Variants in SMYD1 observed in about 807,000 individuals in gnomAD.
The protein encoded by SMYD1 is SET and MYND domain containing 1, also known as histone-lysine N-methyltransferase SMYD1.
In SMYD1, 49 loss-of-function variants were observed where a neutral mutation model predicts 54.0. The ratio of observed to expected loss-of-function variants is 0.91; its 90% confidence interval spans 0.72 to 1.15. The LOEUF (loss-of-function observed/expected upper bound fraction) is 1.15. Among genes scored for constraint, SMYD1 ranks in the 50% most tolerant of loss-of-function variants. The pLI, the probability that SMYD1 is intolerant of heterozygous loss-of-function variation, is 0.00. For synonymous variants in SMYD1, 269 were observed against 234.2 expected (o/e 1.15, Z -1.36); for missense variants, 653 against 639.6 (o/e 1.02, Z -0.23).
At chr2:88,087,231 G>A (rs540384238) in intron 2 of SMYD1, among the ~76,000 whole-genome samples, 3 of 152,176 alleles carry the variant, frequency 2.0e-5, no homozygotes, top group African/African-American at 7.2e-5. Context: ...GAGAGGTCAA[G>A]TGACTTGCCC....
chr2:88,088,909 T>C (rs1573110770), intron 3 of SMYD1, among the ~76,000 whole-genome samples: 1 of 152,064 alleles, frequency 6.6e-6, no homozygotes, highest in South Asian at 2.1e-4. Context: ...GTCCTGGCTG[T>C]GGGGATGGAT....
intron 3 of SMYD1, among the ~76,000 whole-genome samples, chr2:88,089,269 C>T (rs1287858701): frequency 6.6e-6 from 1 of 152,204 alleles, no homozygotes; most frequent in Non-Finnish European, 1.5e-5. Context: ...CTGCTTTACT[C>T]AAACTCCACC....
intron 1 of SMYD1, 92 bp from the exon 2 acceptor site, chr2:88,084,224 C>G: frequency 9.2e-7 from 1 of 1,088,172 alleles, no homozygotes; most frequent in Non-Finnish European, 1.3e-6. Flanking sequence ...GACCAGCCAG[C>G]TGAACCAGTA....
rs187396736 is a variant in SMYD1 at position 88,073,909 on chromosome 2, T to C, written c.137+5908T>C. ...TTGATGCCCTCAATTTTTAAGTATATGCATAACTCATTTGTTTATTACTCC... is the reference window on the plus strand; with the variant it reads ...TTGATGCCCTCAATTTTTAAGTATACGCATAACTCATTTGTTTATTACTCC... On this transcript the variant is annotated intron_variant, in intron 1 of 9. Transcript: ENST00000419482. Among the ~76,000 whole-genome samples the C allele has an allele frequency of 5.6e-4, 86 of 152,364 alleles. 1 individual carries two copies. The highest frequency in any genetic ancestry group is 1.9e-3 in the African/African-American group (78 of 41,580).
At chr2:88,068,089 A>G (rs1345133894) in intron 1 of SMYD1, 88 bp downstream of exon 1, 7 of 1,487,118 alleles carry the variant, frequency 4.7e-6, no homozygotes, top group Non-Finnish European at 6.3e-6. Context: ...TCATCAGGGG[A>G]AGGGATAAAA....
intron 5 of SMYD1, among the ~76,000 whole-genome samples, chr2:88,095,804 G>T (rs1296059709): frequency 6.6e-6 from 1 of 152,176 alleles, no homozygotes; most frequent in Non-Finnish European, 1.5e-5. Flanking sequence ...CACCTGTTTG[G>T]CTCAGCTGGA....
rs1558861519 is a variant in SMYD1, at chr2:88,110,914, G to T, written c.*402G>T. 6.1e-6 allele frequency: 1 copy of T among 163,990 alleles called. No individual in the cohort carries two copies. The highest frequency in any genetic ancestry group is 1.8e-4 in the East Asian group (1 of 5,464). The allele number at this position is 163,990 out of a possible 1,614,324, so 10.2% of individuals were successfully genotyped here. On this transcript the variant is annotated 3_prime_UTR_variant, in exon 10 of 10. Coordinates refer to ENST00000419482, the MANE Select transcript of SMYD1 (RefSeq NM_198274.4). ...TGTGTGATGTGTGTGTGTGCAGTGG[G>T]GGTATCACAGAGAGTATGACATCTG...
At position 88,112,326 on chromosome 2, in the gene SMYD1, A is replaced by G; in HGVS notation, c.*1814A>G. The G allele has an allele frequency of 6.7e-6, 4 of 597,498 alleles. No individual in the cohort carries two copies. The highest frequency in any genetic ancestry group is 1.2e-5 in the Non-Finnish European group (4 of 335,260). The allele number at this position is 597,498 out of a possible 1,614,324, so 37.0% of individuals were successfully genotyped here. On this transcript the variant is annotated 3_prime_UTR_variant, in exon 10 of 10. Coordinates refer to ENST00000419482, the MANE Select transcript of SMYD1 (RefSeq NM_198274.4). The stretch of plus-strand genomic sequence containing the variant: ...TTTTTTTCCATCCTATCTTTCTAAT[A>G]TTTGTTGTCTTTAACAAACTGTGTT...
intron 1 of SMYD1, among the ~76,000 whole-genome samples, chr2:88,073,191 A>G (rs1673987004): frequency 6.6e-6 from 1 of 152,216 alleles, no homozygotes; most frequent in Admixed American, 6.5e-5. Flanking sequence ...TAATTTGCTT[A>G]GGAGAATGGC....
At position 88,084,306 on chromosome 2, in the gene SMYD1, C is replaced by G; in HGVS notation, c.138-10C>G. 6.4e-7 allele frequency: 1 copy of G among 1,555,882 alleles called. No homozygotes were observed. On this transcript the variant is annotated splice_polypyrimidine_tract_variant and intron_variant, in intron 1 of 9. Coordinates refer to ENST00000419482, the MANE Select transcript of SMYD1 (RefSeq NM_198274.4). ...GCTCCCAATCATGTGTCTTCTTTCT[C>G]CATTTCCAGCCTTGTTAATTTTGTG...
chr2:88,106,886 A>G (rs1005402413), intron 8 of SMYD1, among the ~76,000 whole-genome samples: 1 of 152,132 alleles, frequency 6.6e-6, no homozygotes, highest in African/African-American at 2.4e-5. Context: ...TAAAAGAGCC[A>G]TCAATCACTT....
Position 88,073,657 on chromosome 2 carries a change from A to G in SMYD1, c.137+5656A>G, listed in dbSNP as rs367808544. Among the ~76,000 whole-genome samples, 113 of 152,346 alleles carry G rather than the reference A, an allele frequency of 7.4e-4. 1 individual carries two copies. The highest frequency in any genetic ancestry group is 2.6e-3 in the African/African-American group (110 of 41,584). The stretch of plus-strand genomic sequence containing the variant: ...AATACGTTTTTAAGGCTTTTGATAT[A>G]GATTTCCAAATTACCTCATCAAAGG... On this transcript the variant is annotated intron_variant, in intron 1 of 9. Transcript: ENST00000419482.
At chr2:88,080,791 A>G (rs1470423762) in intron 1 of SMYD1, among the ~76,000 whole-genome samples, 1 of 152,218 alleles carries the variant, frequency 6.6e-6, no homozygotes, top group Non-Finnish European at 1.5e-5. Flanking sequence ...AATGACCTTG[A>G]TGTTTTGGAA....
At chr2:88,079,513 G>T (rs1015066406) in intron 1 of SMYD1, among the ~76,000 whole-genome samples, 7 of 152,148 alleles carry the variant, frequency 4.6e-5, no homozygotes, top group African/African-American at 1.7e-4. Flanking sequence ...CATCCCTGAT[G>T]TCTGCAATAA....
At chr2:88,077,563 G>A (rs1674095259) in intron 1 of SMYD1, among the ~76,000 whole-genome samples, 3 of 152,194 alleles carry the variant, frequency 2.0e-5, no homozygotes, top group African/African-American at 7.2e-5. Flanking sequence ...GAATAGGAAT[G>A]TAAGACTCGG....
chr2:88,106,352 G>T lies in SMYD1; in HGVS notation c.1009G>T (p.Glu337Ter), dbSNP rs140916074. The T allele has an allele frequency of 6.2e-7, 1 of 1,614,152 alleles. No individual in the cohort carries two copies. Among genetic ancestry groups the T allele is most frequent in the Admixed American group, 1.7e-5 (1 of 60,026 alleles). Residue 337 changes from glutamate (E) to a stop codon, truncating the protein, a stop_gained, in exon 8 of 10, where the codon GAG (glutamate) becomes TAG (stop). Coordinates refer to ENST00000419482, the MANE Select transcript of SMYD1 (RefSeq NM_198274.4). LOFTEE classifies it high-confidence loss of function. ...EVVKLCRECL[E>*]KQEPVFADTN... ...TGTGAAATTATGCCGGGAGTGCCTG[G>T]AGAAGCAGGAGCCAGTGTTTGCTGA...
In SMYD1 at chr2:88,110,410, GT is replaced by G; in HGVS notation, c.1372del (p.Tyr458ThrfsTer9). The G allele has an allele frequency of 6.2e-7, 1 of 1,612,608 alleles. No homozygotes were observed. Among genetic ancestry groups the G allele is most frequent in the Non-Finnish European group, 8.5e-7 (1 of 1,179,388 alleles). On this transcript the variant is annotated frameshift_variant, in exon 10 of 10. Transcript: ENST00000419482. LOFTEE classifies it high-confidence loss of function. ...GCATGTTCCGCCAGAACGAATTCAT[GT>G]ACTACAAGATGCGCGAGGCTGCCCT... ...LRMFRQNEFM[Y>X]YKMREAALNN...
At chr2:88,080,186 T>A (rs931801443) in intron 1 of SMYD1, among the ~76,000 whole-genome samples, 4 of 152,120 alleles carry the variant, frequency 2.6e-5, no homozygotes, top group African/African-American at 9.6e-5. Flanking sequence ...CCCACATTTT[T>A]AAGTAGATTA....
At chr2:88,069,857 A>G (rs1673908156) in intron 1 of SMYD1, among the ~76,000 whole-genome samples, 1 of 152,158 alleles carries the variant, frequency 6.6e-6, no homozygotes, top group Admixed American at 6.5e-5. Context: ...CTTCTGTGCT[A>G]TTATACACTC....
Sources: gnomAD v4.1 joint callset for allele counts (sites outside exome capture counted in the v4.1 genomes callset) on GRCh38, gnomAD v4.1.1 for gene constraint, MANE v1.5 for transcripts, NCBI Gene and HGNC (gene_info 2026-07-23, HGNC 2026-07-21) for gene names.